PARS2: variants seen among roughly 807,000 people sequenced by gnomAD.
The protein encoded by PARS2 is probable proline--tRNA ligase, mitochondrial.
PARS2 carries 20 observed loss-of-function variants against 27.4 expected under a neutral mutation model. The observed-to-expected ratio is 0.73, with a 90% CI of 0.51 to 1.06. The LOEUF is 1.06. Ranked by LOEUF, PARS2 falls within the 50% of genes least tolerant of loss-of-function variation. The probability of loss-of-function intolerance (pLI) is 0.00; values close to 1 mark genes in which losing one functional copy is unlikely to be tolerated. For missense variants in PARS2, 585 were observed against 602.1 expected (o/e 0.97, Z 0.30); for synonymous variants, 240 against 247.1 (o/e 0.97, Z 0.27).
At position 54,758,163 on chromosome 1, in the gene PARS2, G is replaced by A; in HGVS notation, c.999C>T (p.Thr333=). 6.2e-7 allele frequency: 1 copy of A among 1,614,210 alleles called. No individual in the cohort carries two copies. Among genetic ancestry groups the A allele is most frequent in the East Asian group, 2.2e-5 (1 of 44,884 alleles). Residue 333 remains threonine (T), a synonymous_variant, in exon 2 of 2, where the codon ACC becomes ACT. Transcript: ENST00000371279. ...AGCCATAGCACCCCATTTCAGCCAG[G>A]GTTGGTTTGCCACAGACATTGGTAA... ...AQFTNVCGKP[T]LAEMGCYGLG...
Position 54,757,652 on chromosome 1 carries a change from G to A in PARS2, c.*82C>T. The A allele has an allele frequency of 1.1e-6, 1 of 882,586 alleles. No individual in the cohort carries two copies. Among genetic ancestry groups the A allele is most frequent in the East Asian group, 2.5e-5 (1 of 40,278 alleles). 54.7% of individuals were successfully genotyped at this position (882,586 alleles called of 1,614,324 possible). ...AGCTGTGCTGTTTCTGGAGAGAGCA[G>A]TCCAGGAAAGGGGTGTAGGAAAATG... is the stretch of plus-strand genomic sequence containing the variant. On this transcript the variant is annotated 3_prime_UTR_variant, in exon 2 of 2. Transcript: ENST00000371279.
rs1361188587 is a variant in PARS2 at position 54,760,369 on chromosome 1, C to A, written c.-29-1179G>T. Among the ~76,000 whole-genome samples the A allele has an allele frequency of 1.3e-5, 2 of 152,222 alleles. 1 individual carries two copies. On this transcript the variant is annotated intron_variant, in intron 1 of 1. Coordinates refer to ENST00000371279, the MANE Select transcript of PARS2 (RefSeq NM_152268.4). Reference sequence around the variant, plus strand: ...CACCAAAAGTTGCACTTTGCCCAAACCAGAATGTGGGGTTCGCCTGCTCTG... The same window carrying A: ...CACCAAAAGTTGCACTTTGCCCAAAACAGAATGTGGGGTTCGCCTGCTCTG...
Position 54,757,946 on chromosome 1 carries a change from C to G in PARS2, c.1216G>C (p.Gly406Arg), listed in dbSNP as rs759228236. The change falls in exon 2 of 2, where the codon GGG becomes CGG. Residue 406 changes from glycine (G) to arginine (R), a missense_variant. Physicochemically the swap from Gly to Arg is moderately radical, Grantham distance 125. Transcript: ENST00000371279. ...GTCCTGTCGTCCAGGAGCACCTCCC[C>G]GTGAAGCTGAGGCACTGCCTCTGTG... Reference protein sequence around the residue: ...HITEAVPQLHGEVLLDDRTHL... With the variant: ...HITEAVPQLHREVLLDDRTHL... The G allele has an allele frequency of 1.9e-6, 3 of 1,614,006 alleles. No homozygotes were observed. Among genetic ancestry groups the G allele is most frequent in the African/African-American group, 2.7e-5 (2 of 74,940 alleles).
chr1:54,759,393 G>C (rs1295628597), intron 1 of PARS2, among the ~76,000 whole-genome samples: 3 of 152,120 alleles, frequency 2.0e-5, no homozygotes, highest in Non-Finnish European at 4.4e-5. Flanking sequence ...ATATTTTCCT[G>C]ATTATAAAAA....
intron 1 of PARS2, among the ~76,000 whole-genome samples, chr1:54,762,329 G>A (rs1646162454): frequency 6.6e-6 from 1 of 152,122 alleles, no homozygotes; most frequent in African/African-American, 2.4e-5. Context: ...AGTACAGACA[G>A]AGTTTCACCA....
At chr1:54,761,444 A>G (rs1646156868) in intron 1 of PARS2, among the ~76,000 whole-genome samples, 1 of 152,244 alleles carries the variant, frequency 6.6e-6, no homozygotes, top group Non-Finnish European at 1.5e-5. Context: ...GCAGTACGAC[A>G]TTCCACTGAT....
intron 1 of PARS2, among the ~76,000 whole-genome samples, chr1:54,760,490 C>T (rs1019017247): frequency 3.3e-5 from 5 of 152,176 alleles, no homozygotes; most frequent in African/African-American, 7.2e-5. Context: ...CTACAGCCTC[C>T]GCCCAGGTCC....
chr1:54,760,348 A>G (rs527769928), intron 1 of PARS2, among the ~76,000 whole-genome samples: 1 of 152,280 alleles, frequency 6.6e-6, no homozygotes, highest in East Asian at 1.9e-4. Flanking sequence ...GAATAGCACC[A>G]AAAGTTGCAC....
intron 1 of PARS2, among the ~76,000 whole-genome samples, chr1:54,759,457 G>A (rs1003208554): frequency 6.6e-5 from 10 of 152,204 alleles, no homozygotes; most frequent in African/African-American, 2.4e-4. Context: ...CACAGGCTCT[G>A]GAATCAGGCA....
Position 54,759,037 on chromosome 1 carries a change from A to C in PARS2, c.125T>G (p.Leu42Arg). Residue 42 changes from leucine (L) to arginine (R), a missense_variant, in exon 2 of 2, where the codon CTG becomes CGG. Leu to Arg is a moderately radical substitution (Grantham distance 102). Transcript: ENST00000371279. The part of the protein sequence containing the change: ...CAPRRGRRLL[L>R]SRVFQPQNLR... Reference sequence around the variant, plus strand: ...GTTCTGTGGCTGGAACACACGAGACAGCAGCAGGCGCCGCCCTCTTCTTGG... The same window carrying C: ...GTTCTGTGGCTGGAACACACGAGACCGCAGCAGGCGCCGCCCTCTTCTTGG... The C allele has an allele frequency of 8.7e-6, 14 of 1,614,170 alleles. No homozygotes were observed. Among genetic ancestry groups the C allele is most frequent in the Non-Finnish European group, 1.0e-5 (12 of 1,180,028 alleles).
At chr1:54,760,716 A>G (rs961286981) in intron 1 of PARS2, among the ~76,000 whole-genome samples, 1 of 151,840 alleles carries the variant, frequency 6.6e-6, no homozygotes, top group Non-Finnish European at 1.5e-5. Context: ...ACAGCCCCAC[A>G]TAAGCTGACC....
rs184440052 is a variant in PARS2, at chr1:54,758,339, G to A, written c.823C>T (p.Arg275Cys). 3.6e-5 allele frequency: 58 copies of A among 1,614,168 alleles called. 1 individual carries two copies. Among genetic ancestry groups the A allele is most frequent in the Admixed American group, 2.5e-4 (15 of 60,016 alleles). Residue 275 changes from arginine (R) to cysteine (C), a missense_variant, in exon 2 of 2, where the codon CGC (arginine) becomes TGC (cysteine). By Grantham distance (180) the Arg-to-Cys change is radical (BLOSUM62 -3). Coordinates refer to ENST00000371279, the MANE Select transcript of PARS2 (RefSeq NM_152268.4). ...TCCATGTTGGCTGAGAAGCTGCAGC[G>A]GGGACAGATGGCAAGCCGGTCCTCT... ...IGEDRLAICP[R>C]CSFSANMETL...
rs1199738484 is a variant in PARS2 at position 54,758,035 on chromosome 1, G to T, written c.1127C>A (p.Pro376His). The change falls in exon 2 of 2, where the codon CCC becomes CAC. Residue 376 changes from proline to histidine, a missense_variant. By Grantham distance (77) the Pro-to-His change is moderately conservative. Transcript: ENST00000371279. ...CTGCTCCTTACTGCCCTTCTTAGGG[G>T]GGATGAGGCAGGCTTGGTAAGGGGC... Reference protein sequence around the residue: ...LLAPYQACLIPPKKGSKEQAA... With the variant: ...LLAPYQACLIHPKKGSKEQAA... 2 of 1,614,078 alleles carry T rather than the reference G, an allele frequency of 1.2e-6. No individual in the cohort carries two copies. The highest frequency in any genetic ancestry group is 1.1e-5 in the South Asian group (1 of 91,074).
Position 54,758,616 on chromosome 1 carries a change from G to T in PARS2, c.546C>A (p.Tyr182Ter), listed in dbSNP as rs1227860751. The T allele has an allele frequency of 6.2e-7, 1 of 1,614,096 alleles. No individual in the cohort carries two copies. Among genetic ancestry groups the T allele is most frequent in the African/African-American group, 1.3e-5 (1 of 74,926 alleles). ...CATCCCGAAACTTCCTTGTCACTTG[G>T]TACAGCAGGAAGGGAAGCTGCTTGT... ...LSYKQLPFLL[Y>*]QVTRKFRDEP... Residue 182 changes from tyrosine (Y) to a stop codon, truncating the protein, a stop_gained, in exon 2 of 2, where the codon TAC becomes TAA. Transcript: ENST00000371279. LOFTEE classifies it high-confidence loss of function.
Position 54,757,914 on chromosome 1 carries a change from C to T in PARS2, c.1248G>A (p.Leu416=), listed in dbSNP as rs771006091. 2 of 1,614,154 alleles carry T rather than the reference C, an allele frequency of 1.2e-6. No homozygotes were observed. The highest frequency in any genetic ancestry group is 1.7e-6 in the Non-Finnish European group (2 of 1,180,018). The change falls in exon 2 of 2, where the codon CTG becomes CTA. Residue 416 remains leucine (L), a synonymous_variant. Transcript: ENST00000371279. ...CATCTTTCAGTCTGTTTCCGATGGT[C>T]AGATGGGTCCTGTCGTCCAGGAGCA... ...GEVLLDDRTH[L]TIGNRLKDAN... is the part of the protein sequence containing the mutation.
rs1646139808 is a variant in PARS2 at position 54,759,109 on chromosome 1, C to G, written c.53G>C (p.Ser18Thr). The G allele has an allele frequency of 1.2e-6, 2 of 1,611,182 alleles. No individual in the cohort carries two copies. Among genetic ancestry groups the G allele is most frequent in the South Asian group, 1.1e-5 (1 of 90,942 alleles). The change falls in exon 2 of 2, where the codon AGC (serine) becomes ACC (threonine). Residue 18 changes from serine (S) to threonine (T), a missense_variant. By Grantham distance (58) the Ser-to-Thr change is moderately conservative (BLOSUM62 1). Transcript: ENST00000371279. ...AGGAACATACCCAGAGAGCTGGCGG[C>G]TGCAGGTGGCCAGGGCGGGCAATGC... ...CRALPALATC[S>T]RQLSGYVPCR...
At position 54,757,861 on chromosome 1, in the gene PARS2, A is replaced by G. The variant is rs1271346005; in HGVS notation, c.1301T>C (p.Ile434Thr). ...DANKFGYPFV[I>T]IAGKRALEDP... Reference sequence around the variant, plus strand: ...CTCCAGGGCCCTCTTGCCAGCGATTATCACAAAGGGGTAGCCAAACTTGTT... The same window carrying G: ...CTCCAGGGCCCTCTTGCCAGCGATTGTCACAAAGGGGTAGCCAAACTTGTT... Residue 434 changes from isoleucine to threonine, a missense_variant, in exon 2 of 2, where the codon ATA becomes ACA. Physicochemically the swap from Ile to Thr is moderately conservative, Grantham distance 89 (BLOSUM62 -1). Transcript: ENST00000371279. 8.7e-6 allele frequency: 14 copies of G among 1,614,116 alleles called. No homozygotes were observed. The highest frequency in any genetic ancestry group is 1.2e-5 in the Non-Finnish European group (14 of 1,180,052).
rs1354222287 is a variant in PARS2 at position 54,757,669 on chromosome 1, A to G, written c.*65T>C. On this transcript the variant is annotated 3_prime_UTR_variant, in exon 2 of 2. Transcript: ENST00000371279. ...AGAGAGCAGTCCAGGAAAGGGGTGTAGGAAAATGCAGTGTTAGAACGAACA... is the reference window on the plus strand; with the variant it reads ...AGAGAGCAGTCCAGGAAAGGGGTGTGGGAAAATGCAGTGTTAGAACGAACA... 1.9e-6 allele frequency: 2 copies of G among 1,053,004 alleles called. No homozygotes were observed. The highest frequency in any genetic ancestry group is 1.4e-6 in the Non-Finnish European group (1 of 709,612). The allele number at this position is 1,053,004 out of a possible 1,614,324, so 65.2% of individuals were successfully genotyped here.
chr1:54,763,069 C>T (rs1646166064), intron 1 of PARS2, among the ~76,000 whole-genome samples: 2 of 152,300 alleles, frequency 1.3e-5, no homozygotes, highest in African/African-American at 2.4e-5. Flanking sequence ...GCTTCTTATC[C>T]TAGCATTCCC....
Sources: allele counts gnomAD v4.1 joint callset (sites outside exome capture counted in the v4.1 genomes callset), GRCh38; gene constraint gnomAD v4.1.1; transcripts MANE v1.5; gene names NCBI Gene and HGNC (gene_info 2026-07-23, HGNC 2026-07-21).